ENAH: variants seen among roughly 807,000 people sequenced by gnomAD.
The protein encoded by ENAH is protein enabled homolog.
In ENAH, 23 loss-of-function variants were observed where a neutral mutation model predicts 78.7. The ratio of observed to expected loss-of-function variants is 0.29; its 90% CI spans 0.21 to 0.41. ENAH has a LOEUF of 0.41. ENAH is among the 10% of genes least tolerant of loss of function. The probability of loss-of-function intolerance (pLI) is 1.00; values close to 1 mark genes in which losing one functional copy is unlikely to be tolerated. For missense variants in ENAH, 544 were observed against 691.0 expected (o/e 0.79, Z 2.39); for synonymous variants, 226 against 241.0 (o/e 0.94, Z 0.58).
intron 1 of ENAH, among the ~76,000 whole-genome samples, chr1:225,593,420 G>C (rs1221102473): frequency 8.8e-6 from 1 of 114,108 alleles, no homozygotes; most frequent in African/African-American, 3.5e-5. Context: ...GGGGGGGGTG[G>C]GGGGTGCCCT....
intron 3 of ENAH, among the ~76,000 whole-genome samples, chr1:225,553,301 C>A (rs1013412706): frequency 6.6e-6 from 1 of 152,084 alleles, no homozygotes; most frequent in African/African-American, 2.4e-5. Flanking sequence ...AGAAACAATC[C>A]TTTCCATTTG....
chr1:225,617,602 ATTAAT>A (rs1164732811), intron 1 of ENAH, among the ~76,000 whole-genome samples: 2 of 152,200 alleles, frequency 1.3e-5, no homozygotes, highest in Non-Finnish European at 2.9e-5. Context: ...CAGGATGGCA[ATTAAT>A]TTAGTCTCTT....
intron 1 of ENAH, among the ~76,000 whole-genome samples, chr1:225,599,796 TAA>T (rs34052384): frequency 1.7e-4 from 14 of 82,960 alleles, no homozygotes; most frequent in East Asian, 1.6e-3. Flanking sequence ...GACTCCGTCT[TAA>T]AAAAAAAAAA....
chr1:225,581,091 C>T (rs1424851371), intron 1 of ENAH, among the ~76,000 whole-genome samples: 1 of 151,896 alleles, frequency 6.6e-6, no homozygotes, highest in Non-Finnish European at 1.5e-5. Flanking sequence ...CCGTCATTCA[C>T]AGCATGAGAG....
At chr1:225,639,503 T>C (rs910690393) in intron 1 of ENAH, among the ~76,000 whole-genome samples, 1 of 152,128 alleles carries the variant, frequency 6.6e-6, no homozygotes, top group Non-Finnish European at 1.5e-5. Flanking sequence ...AACCCCTTTT[T>C]TCTGTTTTGA....
chr1:225,552,868 T>C (rs1456132581), intron 3 of ENAH, among the ~76,000 whole-genome samples: 1 of 152,224 alleles, frequency 6.6e-6, no homozygotes, highest in Non-Finnish European at 1.5e-5. Flanking sequence ...TGTTTCTTAA[T>C]GCTTATTACC....
At chr1:225,599,794 C>CT (rs1227945366) in intron 1 of ENAH, among the ~76,000 whole-genome samples, 3 of 88,850 alleles carry the variant, frequency 3.4e-5, no homozygotes, top group Admixed American at 1.2e-4. Context: ...GAGACTCCGT[C>CT]TTAAAAAAAA....
chr1:225,614,251 G>T (rs775694807), intron 1 of ENAH, among the ~76,000 whole-genome samples: 5 of 152,062 alleles, frequency 3.3e-5, no homozygotes, highest in Non-Finnish European at 5.9e-5. Context: ...TAGAGACGGG[G>T]TTTCCCCATG....
At chr1:225,648,758 C>CTT (rs57529265) in intron 1 of ENAH, among the ~76,000 whole-genome samples, 1,958 of 134,648 alleles carry the variant, frequency 0.015, 46 homozygotes, top group African/African-American at 0.037. Flanking sequence ...AGATTATCTC[C>CTT]TTTTTTTTTT....
intron 1 of ENAH, among the ~76,000 whole-genome samples, chr1:225,583,281 CA>C (rs2096828302): frequency 1.3e-5 from 2 of 151,318 alleles, no homozygotes; most frequent in Non-Finnish European, 2.9e-5. Flanking sequence ...TACAAAAATA[CA>C]AAAACTAGCC....
chr1:225,571,891 C>T lies in ENAH; in HGVS notation c.6-4477G>A, dbSNP rs181414339. Among the ~76,000 whole-genome samples the T allele has an allele frequency of 2.6e-5, 4 of 152,210 alleles. No homozygotes were observed. The East Asian group carries it at 7.7e-4, about 29-fold the overall frequency. On this transcript the variant is annotated intron_variant, in intron 1 of 13. Coordinates refer to ENST00000366843, the MANE Select transcript of ENAH (RefSeq NM_018212.6). Reference sequence around the variant, plus strand: ...CGCACCCTCACACCTTACCCTATGCCTCTCTTCCATTTGGCTATTCCTAAA... The same window carrying T: ...CGCACCCTCACACCTTACCCTATGCTTCTCTTCCATTTGGCTATTCCTAAA...
intron 1 of ENAH, among the ~76,000 whole-genome samples, chr1:225,619,137 G>C (rs1558918844): frequency 1.3e-5 from 2 of 152,072 alleles, no homozygotes; most frequent in African/African-American, 2.4e-5. Context: ...AATGTTTCAT[G>C]AAACACTTGC....
intron 1 of ENAH, among the ~76,000 whole-genome samples, chr1:225,651,292 AG>A (rs1662950148): frequency 6.6e-6 from 1 of 152,070 alleles, no homozygotes; most frequent in Non-Finnish European, 1.5e-5. Flanking sequence ...ACTTGGAATC[AG>A]AAAAAAAAAT....
chr1:225,644,296 GATTT>G (rs778794689), intron 1 of ENAH, among the ~76,000 whole-genome samples: 21 of 152,206 alleles, frequency 1.4e-4, no homozygotes, highest in Admixed American at 3.9e-4. Flanking sequence ...AACAGTAATT[GATTT>G]ATTTTTCTAA....
In ENAH at chr1:225,574,303, GTT is replaced by G. The variant is rs546219846; in HGVS notation, c.6-6891_6-6890del. Among the ~76,000 whole-genome samples, 18 of 152,210 alleles carry G rather than the reference GTT, an allele frequency of 1.2e-4. No individual in the cohort carries two copies. The South Asian group carries it at 3.7e-3, about 32-fold the overall frequency. ...AGTAAAAGTGGGCGAGACCAGCTCA[GTT>G]ATATAAGATTGTGGGCCAGGCGCGG... is the stretch of plus-strand genomic sequence containing the variant. On this transcript the variant is annotated intron_variant, in intron 1 of 13. Coordinates refer to ENST00000366843, the MANE Select transcript of ENAH (RefSeq NM_018212.6).
chr1:225,557,266 T>A (rs1288971465), intron 2 of ENAH, among the ~76,000 whole-genome samples: 1 of 152,200 alleles, frequency 6.6e-6, no homozygotes, highest in African/African-American at 2.4e-5. Context: ...TTAGATTTAT[T>A]ATTTTCTATT....
intron 1 of ENAH, among the ~76,000 whole-genome samples, chr1:225,610,030 C>CT (rs1352858938): frequency 7.2e-4 from 110 of 152,000 alleles, no homozygotes; most frequent in African/African-American, 2.7e-3. Flanking sequence ...ATGTATACCA[C>CT]ATGATAAAAA....
chr1:225,574,931 T>TATA (rs2096781284), intron 1 of ENAH, among the ~76,000 whole-genome samples: 2 of 14,136 alleles, frequency 1.4e-4, no homozygotes, highest in Non-Finnish European at 2.2e-4. Context: ...TATATATATA[T>TATA]AAAAAAAAAA....
At chr1:225,505,104 T>C in intron 11 of ENAH, 1 of 1,351,292 alleles carries the variant, frequency 7.4e-7, no homozygotes. Flanking sequence ...CTTTAAAAAA[T>C]AATTCTCATT....
Sources: gnomAD v4.1 joint callset for allele counts (sites outside exome capture counted in the v4.1 genomes callset) on GRCh38, gnomAD v4.1.1 for gene constraint, MANE v1.5 for transcripts, NCBI Gene and HGNC (gene_info 2026-07-23, HGNC 2026-07-21) for gene names.